PIEZO1: variants seen among roughly 807,000 people sequenced by gnomAD.
PIEZO1 encodes the protein piezo type mechanosensitive ion channel component 1 (Er blood group).
PIEZO1 carries 296 observed loss-of-function variants against 297.2 expected under a neutral mutation model. The ratio of observed to expected loss-of-function variants is 1.00; its 90% confidence interval spans 0.91 to 1.10. PIEZO1 has a LOEUF of 1.10. PIEZO1 is among the 50% of genes least tolerant of loss of function. The pLI, the probability that PIEZO1 is intolerant of heterozygous loss-of-function variation, is 0.00. For synonymous variants in PIEZO1, 2,427 were observed against 1,507.5 expected (o/e 1.61, Z -14.13); for missense variants, 5,018 against 3,455.5 (o/e 1.45, Z -11.34).
At chr16:88,750,357 A>G (rs1906325820) in intron 1 of PIEZO1, among the ~76,000 whole-genome samples, 1 of 152,236 alleles carries the variant, frequency 6.6e-6, no homozygotes. Flanking sequence ...AAACAAAAAA[A>G]TGCTATGATT....
chr16:88,741,210 C>A, intron 5 of PIEZO1: 1 of 377,030 alleles, frequency 2.7e-6, no homozygotes, highest in Non-Finnish European at 4.8e-6. Context: ...AAATAATTCC[C>A]CTGTGAAGAG....
At chr16:88,752,746 C>G (rs1235790332) in intron 1 of PIEZO1, among the ~76,000 whole-genome samples, 1 of 152,072 alleles carries the variant, frequency 6.6e-6, no homozygotes, top group African/African-American at 2.4e-5. Flanking sequence ...TGGGAGGCAC[C>G]TTGGCAGGGG....
At position 88,725,063 on chromosome 16, in the gene PIEZO1, C is replaced by T. The variant is rs753919544; in HGVS notation, c.4180G>A (p.Gly1394Ser). The change falls in exon 30 of 51, where the codon GGC becomes AGC. Residue 1394 changes from glycine to serine, a missense_variant. By Grantham distance (56) the Gly-to-Ser change is moderately conservative. Transcript: ENST00000301015. The part of the protein sequence containing the change: ...GLEPGPDSPG[G>S]SSPPRRQWWR... ...CACTGCCTCCGTGGCGGGGAGGAGC[C>T]CCCTGGACTGTCGGGCCCTGTGGAG... is the stretch of plus-strand genomic sequence containing the variant. The T allele has an allele frequency of 7.4e-5, 112 of 1,510,366 alleles. No homozygotes were observed. Among genetic ancestry groups the T allele is most frequent in the Non-Finnish European group, 9.1e-5 (103 of 1,131,780 alleles). 93.6% of individuals were successfully genotyped at this position (1,510,366 alleles called of 1,614,324 possible). A position where few individuals can be genotyped will look rare whatever the true frequency, so the allele number is the denominator to read the frequency against.
Position 88,720,784 on chromosome 16 carries a change from G to A in PIEZO1, c.5669-36C>T, listed in dbSNP as rs992666907. The stretch of plus-strand genomic sequence containing the variant: ...AAGCTGACTTCTGCCTGGGCCCCCT[G>A]GGGACTGGGCCTGGCTCATGGCTCC... On this transcript the variant is annotated intron_variant, in intron 39 of 50. Transcript: ENST00000301015. 6 of 1,457,778 alleles carry A rather than the reference G, an allele frequency of 4.1e-6. No individual in the cohort carries two copies. The South Asian group carries it at 4.4e-5, about 11-fold the overall frequency. 90.3% of individuals were successfully genotyped at this position (1,457,778 alleles called of 1,614,324 possible). A position where few individuals can be genotyped will look rare whatever the true frequency, so the allele number is the denominator to read the frequency against.
intron 1 of PIEZO1, among the ~76,000 whole-genome samples, chr16:88,767,168 T>A (rs1241132965): frequency 6.6e-6 from 1 of 151,984 alleles, no homozygotes; most frequent in East Asian, 1.9e-4. Context: ...TCCCCATTCC[T>A]CCCCCTTCCC....
chr16:88,726,199 G>T (rs1009082642), intron 27 of PIEZO1, 85 bp downstream of exon 27: 38 of 1,193,070 alleles, frequency 3.2e-5, no homozygotes, highest in Non-Finnish European at 4.4e-5. Flanking sequence ...TCCACGGGCC[G>T]GGGCCTGAGA....
intron 44 of PIEZO1, chr16:88,718,342 AACC>A (rs1254909427): frequency 6.5e-6 from 1 of 152,764 alleles, no homozygotes; most frequent in Non-Finnish European, 1.5e-5. Flanking sequence ...TCATGATGGA[AACC>A]ACCACCAGCA....
Position 88,734,858 on chromosome 16 carries a change from C to G in PIEZO1, c.1848+17G>C. 1 of 1,550,040 alleles carries G rather than the reference C, an allele frequency of 6.5e-7. No individual in the cohort carries two copies. Among genetic ancestry groups the G allele is most frequent in the Non-Finnish European group, 8.7e-7 (1 of 1,146,726 alleles). On this transcript the variant is annotated intron_variant, in intron 14 of 50. Transcript: ENST00000301015. ...GGAGGGTCCGTGCCCCAGCCCCCAT[C>G]CCGGCCCCCCAGCCACCTGGAAGAG... is the stretch of plus-strand genomic sequence containing the variant.
Position 88,726,317 on chromosome 16 carries a change from G to A in PIEZO1, c.3935C>T (p.Ala1312Val), listed in dbSNP as rs34246477. The A allele has an allele frequency of 5.2e-4, 812 of 1,550,124 alleles. 4 individuals carry two copies. The African/African-American group carries it at 9.2e-3, about 18-fold the overall frequency. ...FLSHYYLHVRADLQATALLAS... is the reference protein window; with the variant it reads ...FLSHYYLHVRVDLQATALLAS... ...TAGCAGGGCGGTGGCCTGGAGGTCGGCCCTGACGTGCAGGTAGTAATGGCT... is the reference window on the plus strand; with the variant it reads ...TAGCAGGGCGGTGGCCTGGAGGTCGACCCTGACGTGCAGGTAGTAATGGCT... Residue 1312 changes from alanine (A) to valine (V), a missense_variant, in exon 27 of 51, where the codon GCC becomes GTC. Ala to Val is a moderately conservative substitution (Grantham distance 64). Transcript: ENST00000301015.
intron 22 of PIEZO1, among the ~76,000 whole-genome samples, chr16:88,730,508 G>A (rs1597453295): frequency 6.7e-6 from 1 of 148,802 alleles, no homozygotes; most frequent in African/African-American, 2.5e-5. Flanking sequence ...TGAGACAGGA[G>A]AATTGCTTGA....
Position 88,725,081 on chromosome 16 carries a change from C to A in PIEZO1, c.4163-1G>T, listed in dbSNP as rs886144896. ...GAGGAGCCCCCTGGACTGTCGGGCC[C>A]TGTGGAGGGGCAGGGTGAGCATGAG... On this transcript the variant is annotated splice_acceptor_variant, in intron 29 of 50. Transcript: ENST00000301015. LOFTEE classifies it high-confidence loss of function. 4.6e-5 allele frequency: 70 copies of A among 1,511,150 alleles called. No homozygotes were observed. The highest frequency in any genetic ancestry group is 5.8e-5 in the Non-Finnish European group (66 of 1,132,520). The allele number at this position is 1,511,150 out of a possible 1,614,324, so 93.6% of individuals were successfully genotyped here.
In PIEZO1 at chr16:88,726,433, G is replaced by A. The variant is rs557968556; in HGVS notation, c.3819C>T (p.Asp1273=). The A allele has an allele frequency of 6.4e-7, 1 of 1,550,424 alleles. No homozygotes were observed. The highest frequency in any genetic ancestry group is 2.4e-5 in the East Asian group (1 of 40,912). Residue 1273 remains aspartate (D), a synonymous_variant, in exon 27 of 51, where the codon GAC becomes GAT. Transcript: ENST00000301015. ...CCTCCACAGGCAGCAGGCAGTCCTG[G>A]TCTCTGTCCATCATCTCCTTGGCTG... The part of the protein sequence containing the change: ...YYDPKEMMDR[D]QDCLLPVEEA...
intron 8 of PIEZO1, 37 bp downstream of exon 8, chr16:88,737,897 G>C: frequency 6.5e-7 from 1 of 1,531,386 alleles, no homozygotes. Context: ...CCCATGGCCT[G>C]GCCTCAGCCC....
chr16:88,716,644 T>C lies in PIEZO1; in HGVS notation c.6841A>G (p.Ser2281Gly). The C allele has an allele frequency of 3.2e-6, 5 of 1,549,716 alleles. No individual in the cohort carries two copies. The highest frequency in any genetic ancestry group is 4.4e-6 in the Non-Finnish European group (5 of 1,146,916). Residue 2281 changes from serine (S) to glycine (G), a missense_variant, in exon 47 of 51, where the codon AGT becomes GGT. Ser to Gly is a moderately conservative substitution (Grantham distance 56). Coordinates refer to ENST00000301015, the MANE Select transcript of PIEZO1 (RefSeq NM_001142864.4). ...TTCATCTGGGCACGGCTGGGGGGAC[T>C]GATGCGCCACAGCGCCCCGGAGCTG... Reference protein sequence around the residue: ...EGSSGALWRISPPSRAQMKRE... With the variant: ...EGSSGALWRIGPPSRAQMKRE...
At chr16:88,719,487 A>C (rs1912272787) in intron 44 of PIEZO1, 87 bp downstream of exon 44, 1 of 1,323,770 alleles carries the variant, frequency 7.6e-7, no homozygotes, top group African/African-American at 1.5e-5. Context: ...CTCCAGCACC[A>C]CGGGTTCTCG....
chr16:88,724,322 G>C (rs969991385), intron 30 of PIEZO1, among the ~76,000 whole-genome samples: 1 of 152,218 alleles, frequency 6.6e-6, no homozygotes, highest in African/African-American at 2.4e-5. Flanking sequence ...CCTGAAGTCA[G>C]AGGTTCGAGA....
chr16:88,730,059 G>A (rs1037395544), intron 22 of PIEZO1, among the ~76,000 whole-genome samples: 1 of 152,282 alleles, frequency 6.6e-6, no homozygotes, highest in African/African-American at 2.4e-5. Flanking sequence ...CAACAAGGAA[G>A]AGGTGGACAG....
At position 88,764,907 on chromosome 16, in the gene PIEZO1, C is replaced by T. The variant is rs572568067; in HGVS notation, c.65-15428G>A. Among the ~76,000 whole-genome samples the T allele has an allele frequency of 4.2e-3, 638 of 152,302 alleles. 6 individuals carry two copies. The highest frequency in any genetic ancestry group is 0.015 in the African/African-American group (611 of 41,562). ...TCCAACCATGGCCCCAGCAACTCACCCCAGAGAGGCAACAAGGGCTTCCTA... is the reference window on the plus strand; with the variant it reads ...TCCAACCATGGCCCCAGCAACTCACTCCAGAGAGGCAACAAGGGCTTCCTA... On this transcript the variant is annotated intron_variant, in intron 1 of 50. Coordinates refer to ENST00000301015, the MANE Select transcript of PIEZO1 (RefSeq NM_001142864.4).
At chr16:88,732,987 A>C (rs1246427869) in intron 19 of PIEZO1, 9 of 581,152 alleles carry the variant, frequency 1.5e-5, no homozygotes, top group Non-Finnish European at 2.4e-5. Context: ...TCCCAGGCAG[A>C]GATGCCTGAC....
Sources: allele counts gnomAD v4.1 joint callset (sites outside exome capture counted in the v4.1 genomes callset), GRCh38; gene constraint gnomAD v4.1.1; transcripts MANE v1.5; gene names NCBI Gene and HGNC (gene_info 2026-07-23, HGNC 2026-07-21).